The following SLC15A1 variants were observed in gnomAD, a reference collection of about 807,000 sequenced individuals.
SLC15A1 encodes Caco-2 oligopeptide transporter.
SLC15A1 carries 83 observed loss-of-function variants against 92.9 expected under a neutral mutation model. That is an observed-to-expected ratio of 0.89 (90% CI 0.75 to 1.07). SLC15A1 has a LOEUF of 1.07. Among genes scored for constraint, SLC15A1 ranks in the 50% least tolerant of loss-of-function variants. The pLI, the probability that SLC15A1 is intolerant of heterozygous loss-of-function variation, is 0.00. For missense variants in SLC15A1, 857 were observed against 880.1 expected (o/e 0.97, Z 0.33); for synonymous variants, 322 against 318.2 (o/e 1.01, Z -0.13).
intron 22 of SLC15A1, among the ~76,000 whole-genome samples, chr13:98,685,746 G>T (rs1325911995): frequency 6.6e-6 from 1 of 152,118 alleles, no homozygotes; most frequent in Non-Finnish European, 1.5e-5. Flanking sequence ...CCAGCACTTT[G>T]GGGGGCCAAG....
chr13:98,739,761 A>G (rs1011485113), intron 1 of SLC15A1, among the ~76,000 whole-genome samples: 1 of 152,232 alleles, frequency 6.6e-6, no homozygotes, highest in African/African-American at 2.4e-5. Flanking sequence ...CTACTGCAAG[A>G]ACAAACTGAC....
At chr13:98,718,935 G>A (rs913450028) in intron 8 of SLC15A1, among the ~76,000 whole-genome samples, 13 of 152,178 alleles carry the variant, frequency 8.5e-5, no homozygotes, top group African/African-American at 2.2e-4. Context: ...TTACGGGCAT[G>A]AGTGACCATG....
intron 18 of SLC15A1, among the ~76,000 whole-genome samples, chr13:98,693,561 T>C (rs2087999287): frequency 6.6e-6 from 1 of 152,240 alleles, no homozygotes; most frequent in African/African-American, 2.4e-5. Flanking sequence ...ATTTTAAAAA[T>C]TGGGTTGTCT....
At chr13:98,726,515 C>T in intron 2 of SLC15A1, 66 bp from the exon 3 acceptor site, 1 of 1,446,630 alleles carries the variant, frequency 6.9e-7, no homozygotes, top group Non-Finnish European at 9.6e-7. Flanking sequence ...CACAAAGGAG[C>T]ACCAGTGGCA....
At chr13:98,687,519 C>T in intron 21 of SLC15A1, 62 bp downstream of exon 21, 1 of 1,562,582 alleles carries the variant, frequency 6.4e-7, no homozygotes, top group Non-Finnish European at 8.7e-7. Flanking sequence ...AATTAAGTCC[C>T]ATCAGCATTT....
At chr13:98,698,424 T>C (rs2088040544) in intron 18 of SLC15A1, among the ~76,000 whole-genome samples, 1 of 152,122 alleles carries the variant, frequency 6.6e-6, no homozygotes, top group African/African-American at 2.4e-5. Flanking sequence ...ATTAGTAAGT[T>C]GTTTTTTGGT....
At chr13:98,734,451 G>A (rs560064114) in intron 1 of SLC15A1, among the ~76,000 whole-genome samples, 62 of 152,234 alleles carry the variant, frequency 4.1e-4, no homozygotes, top group African/African-American at 1.3e-3. Flanking sequence ...GTGCAGCCAC[G>A]GAGGGCAAGC....
intron 1 of SLC15A1, among the ~76,000 whole-genome samples, chr13:98,746,248 A>T (rs2088492141): frequency 6.6e-6 from 1 of 152,064 alleles, no homozygotes; most frequent in Non-Finnish European, 1.5e-5. Flanking sequence ...GTGTATATGT[A>T]CCACATTTTC....
At chr13:98,689,508 C>A (rs1331352161) in intron 18 of SLC15A1, among the ~76,000 whole-genome samples, 1 of 152,130 alleles carries the variant, frequency 6.6e-6, no homozygotes, top group Non-Finnish European at 1.5e-5. Context: ...TGCAGTGATA[C>A]AATCACAGTT....
rs973465669 is a variant in SLC15A1 at position 98,706,057 on chromosome 13, A to G, written c.1269+77T>C. On this transcript the variant is annotated intron_variant, in intron 16 of 22. Coordinates refer to ENST00000376503, the MANE Select transcript of SLC15A1 (RefSeq NM_005073.4). ...GGCCTTGGCATTTATACAAGGACCA[A>G]GAAAAACAGCTTCTCTAAATCCTAT... 1.5e-5 allele frequency: 23 copies of G among 1,521,926 alleles called. No individual in the cohort carries two copies. The African/African-American group carries it at 2.9e-4, about 19-fold the overall frequency. The allele number at this position is 1,521,926 out of a possible 1,614,324, so 94.3% of individuals were successfully genotyped here.
intron 7 of SLC15A1, chr13:98,720,454 A>C (rs1445561897): frequency 6.6e-6 from 1 of 152,338 alleles, no homozygotes; most frequent in Non-Finnish European, 1.5e-5. Flanking sequence ...GAAAAAAACA[A>C]AAAATAAAAC....
chr13:98,733,056 G>T (rs781676066), intron 1 of SLC15A1, among the ~76,000 whole-genome samples: 1 of 152,182 alleles, frequency 6.6e-6, no homozygotes, highest in African/African-American at 2.4e-5. Context: ...AAGCAGGGGA[G>T]TGACTGCAAT....
chr13:98,740,198 G>A (rs1004664725), intron 1 of SLC15A1, among the ~76,000 whole-genome samples: 8 of 152,198 alleles, frequency 5.3e-5, no homozygotes, highest in African/African-American at 1.9e-4. Flanking sequence ...GAGAGTGAAG[G>A]TCCTGTCACT....
chr13:98,692,712 C>T (rs1170996050), intron 18 of SLC15A1, among the ~76,000 whole-genome samples: 2 of 152,144 alleles, frequency 1.3e-5, no homozygotes, highest in Non-Finnish European at 2.9e-5. Flanking sequence ...TTTAGATTTA[C>T]CACCAGCAAT....
At chr13:98,704,138 G>T in intron 17 of SLC15A1, 151 bp downstream of exon 17, 3 of 653,816 alleles carry the variant, frequency 4.6e-6, no homozygotes, top group Non-Finnish European at 7.5e-6. Context: ...TCTGACAGGT[G>T]TTCTTGAAGT....
chr13:98,750,279 A>T (rs919744528), intron 1 of SLC15A1, among the ~76,000 whole-genome samples: 5 of 151,760 alleles, frequency 3.3e-5, no homozygotes, highest in Non-Finnish European at 7.4e-5. Flanking sequence ...TGCCCAGCTA[A>T]TTTTTGTATT....
chr13:98,694,413 C>T (rs2088005679), intron 18 of SLC15A1, among the ~76,000 whole-genome samples: 1 of 151,972 alleles, frequency 6.6e-6, no homozygotes, highest in Admixed American at 6.6e-5. Flanking sequence ...TTTCTCATCC[C>T]CTTTATATTT....
chr13:98,748,477 T>G (rs1277939349), intron 1 of SLC15A1, among the ~76,000 whole-genome samples: 3 of 152,092 alleles, frequency 2.0e-5, no homozygotes, highest in African/African-American at 7.2e-5. Flanking sequence ...ATTTTTTTTG[T>G]GGAGACGGGG....
chr13:98,719,336 A>G lies in SLC15A1; in HGVS notation c.557-16T>C. The G allele has an allele frequency of 6.3e-7, 1 of 1,593,080 alleles. No individual in the cohort carries two copies. The highest frequency in any genetic ancestry group is 8.6e-7 in the Non-Finnish European group (1 of 1,161,246). ...CATTGTTGAACTGGGGAGAAATGACAAGATTAAAATTGTTATGGCATTGGT... is the reference window on the plus strand; with the variant it reads ...CATTGTTGAACTGGGGAGAAATGACGAGATTAAAATTGTTATGGCATTGGT... On this transcript the variant is annotated splice_polypyrimidine_tract_variant and intron_variant, in intron 7 of 22. Coordinates refer to ENST00000376503, the MANE Select transcript of SLC15A1 (RefSeq NM_005073.4).
Sources: allele counts gnomAD v4.1 joint callset (sites outside exome capture counted in the v4.1 genomes callset), GRCh38; gene constraint gnomAD v4.1.1; transcripts MANE v1.5; gene names NCBI Gene and HGNC (gene_info 2026-07-23, HGNC 2026-07-21).